C8orf34: variants seen among roughly 807,000 people sequenced by gnomAD.
C8orf34 encodes chromosome 8 open reading frame 34.
C8orf34 carries 65 observed loss-of-function variants against 68.3 expected under a neutral mutation model. The observed-to-expected ratio is 0.95, with a 90% CI of 0.78 to 1.17. C8orf34 has a LOEUF of 1.17. C8orf34 is among the 50% of genes most tolerant of loss of function. The pLI is 0.00. For missense variants in C8orf34, 664 were observed against 655.4 expected, an observed-to-expected ratio of 1.01 and a Z score of -0.14; for synonymous variants, 244 against 241.2, an observed-to-expected ratio of 1.01 and a Z score of -0.11.
intron 6 of C8orf34, among the ~76,000 whole-genome samples, chr8:68,528,754 G>T (rs1160475611): frequency 6.6e-6 from 1 of 152,014 alleles, no homozygotes. Flanking sequence ...CATTTTTCCT[G>T]CTCTCCCCCA....
intron 10 of C8orf34, among the ~76,000 whole-genome samples, chr8:68,729,454 T>G (rs2129526793): frequency 6.6e-6 from 1 of 152,324 alleles, no homozygotes; most frequent in South Asian, 2.1e-4. Flanking sequence ...TGCCTTTTAT[T>G]TCTTTCCTCC....
intron 8 of C8orf34, among the ~76,000 whole-genome samples, chr8:68,681,278 T>C (rs950731436): frequency 6.6e-6 from 1 of 151,546 alleles, no homozygotes; most frequent in African/African-American, 2.4e-5. Flanking sequence ...GATTAAGAGA[T>C]TAAAGTAAAA....
chr8:68,677,385 G>T (rs1042211499), intron 8 of C8orf34, among the ~76,000 whole-genome samples: 4 of 151,926 alleles, frequency 2.6e-5, no homozygotes, highest in Non-Finnish European at 1.5e-5. Flanking sequence ...TTAAGACAGG[G>T]TCTCACTGTG....
chr8:68,489,657 G>A (rs77391779), intron 5 of C8orf34, among the ~76,000 whole-genome samples: 2 of 152,098 alleles, frequency 1.3e-5, no homozygotes, highest in Admixed American at 6.5e-5. Flanking sequence ...ACATCGTGTC[G>A]ATGCTCAAAA....
intron 1 of C8orf34, among the ~76,000 whole-genome samples, chr8:68,429,539 A>G (rs1310049063): frequency 6.6e-6 from 1 of 152,254 alleles, no homozygotes; most frequent in African/African-American, 2.4e-5. Flanking sequence ...GATAAGTCCA[A>G]CAGAAACTTG....
chr8:68,623,263 G>A (rs977378549), intron 7 of C8orf34, among the ~76,000 whole-genome samples: 29 of 152,190 alleles, frequency 1.9e-4, no homozygotes, highest in Admixed American at 1.1e-3. Context: ...TATTTTATTC[G>A]TATATAGTAC....
chr8:68,536,526 T>C (rs1398362304), intron 7 of C8orf34, among the ~76,000 whole-genome samples: 1 of 152,020 alleles, frequency 6.6e-6, no homozygotes, highest in Non-Finnish European at 1.5e-5. Context: ...TGCATTTTAA[T>C]CTTATTCTTG....
At chr8:68,586,761 C>T (rs1563545588) in intron 7 of C8orf34, among the ~76,000 whole-genome samples, 3 of 152,060 alleles carry the variant, frequency 2.0e-5, no homozygotes, top group South Asian at 2.1e-4. Flanking sequence ...TATTTGATGG[C>T]TAAGGAGTTT....
intron 1 of C8orf34, among the ~76,000 whole-genome samples, chr8:68,391,580 T>C (rs1808479831): frequency 6.6e-6 from 1 of 152,206 alleles, no homozygotes; most frequent in African/African-American, 2.4e-5. Context: ...CTTAAGCAAT[T>C]TTGTGTTGAG....
At chr8:68,649,002 G>C (rs1417223657) in intron 8 of C8orf34, among the ~76,000 whole-genome samples, 1 of 152,052 alleles carries the variant, frequency 6.6e-6, no homozygotes, top group East Asian at 1.9e-4. Flanking sequence ...CATTGTATTT[G>C]GTTTCATTTT....
At chr8:68,504,358 T>C (rs1241211041) in intron 5 of C8orf34, among the ~76,000 whole-genome samples, 2 of 152,218 alleles carry the variant, frequency 1.3e-5, no homozygotes, top group Non-Finnish European at 2.9e-5. Flanking sequence ...GTTTCTACTT[T>C]TCAGCCATTA....
At chr8:68,475,798 C>A (rs1456949236) in intron 4 of C8orf34, among the ~76,000 whole-genome samples, 1 of 151,514 alleles carries the variant, frequency 6.6e-6, no homozygotes, top group East Asian at 1.9e-4. Context: ...GGGTCTAATG[C>A]TTTTGCTGCT....
chr8:68,503,120 A>G (rs1813849776), intron 5 of C8orf34, among the ~76,000 whole-genome samples: 1 of 152,220 alleles, frequency 6.6e-6, no homozygotes, highest in Non-Finnish European at 1.5e-5. Flanking sequence ...AATAATTAAG[A>G]GAAATGTAAA....
chr8:68,408,774 C>T (rs1299116768), intron 1 of C8orf34, among the ~76,000 whole-genome samples: 6 of 151,986 alleles, frequency 3.9e-5, no homozygotes, highest in African/African-American at 1.4e-4. Flanking sequence ...AGCTGCCAGT[C>T]TTTTGTTTGT....
At chr8:68,511,085 T>C (rs1329859676) in intron 5 of C8orf34, among the ~76,000 whole-genome samples, 1 of 152,236 alleles carries the variant, frequency 6.6e-6, no homozygotes. Flanking sequence ...CTTTCTCCAA[T>C]TGTGTCCTGT....
intron 1 of C8orf34, among the ~76,000 whole-genome samples, chr8:68,345,477 C>A (rs1806241528): frequency 6.6e-6 from 1 of 151,788 alleles, no homozygotes; most frequent in Admixed American, 6.6e-5. Flanking sequence ...TAGGAGTACA[C>A]ATTAAATTGG....
At position 68,446,378 on chromosome 8, in the gene C8orf34, A is replaced by G. The variant is rs1297202323; in HGVS notation, c.525A>G (p.Gln175=). ...RDFRSYDKPW[Q]LNAKKPKKSK... ...TCAGAAGCTATGATAAACCTTGGCA[A>G]TTAAATGCAAAGAAGCCTAAAAAAT... is the stretch of plus-strand genomic sequence containing the variant. The change falls in exon 3 of 14, where the codon CAA becomes CAG. Residue 175 remains glutamine, a synonymous_variant. Coordinates refer to ENST00000518698, the MANE Select transcript of C8orf34 (RefSeq NM_052958.4). 1.2e-6 allele frequency: 2 copies of G among 1,612,106 alleles called. No homozygotes were observed. The highest frequency in any genetic ancestry group is 4.5e-5 in the East Asian group (2 of 44,790).
intron 11 of C8orf34, among the ~76,000 whole-genome samples, chr8:68,782,936 GT>G (rs1823722863): frequency 6.6e-6 from 1 of 151,816 alleles, no homozygotes; most frequent in East Asian, 1.9e-4. Context: ...TTGAGGCATA[GT>G]GGCACGTGCC....
At chr8:68,762,708 T>C (rs751494550) in intron 10 of C8orf34, among the ~76,000 whole-genome samples, 4 of 152,246 alleles carry the variant, frequency 2.6e-5, no homozygotes, top group African/African-American at 9.6e-5. Context: ...TTCGTAAGAA[T>C]AGAAGATATC....
Sources: allele counts gnomAD v4.1 joint callset (sites outside exome capture counted in the v4.1 genomes callset), GRCh38; gene constraint gnomAD v4.1.1; transcripts MANE v1.5; gene names NCBI Gene and HGNC (gene_info 2026-07-23, HGNC 2026-07-21).